GBA1: variants seen among roughly 807,000 people sequenced by gnomAD.
GBA1 encodes glucosylceramidase beta 1.
At chr1:155,235,337 G>A in the GBA1 span, 1 of 1,605,754 alleles carries the variant, frequency 6.2e-7, no homozygotes, top group African/African-American at 1.3e-5. Context: ...GATGGTCAGA[G>A]TCCCTCGGGG....
At chr1:155,239,957 T>A in the GBA1 span, 2 of 1,614,046 alleles carry the variant, frequency 1.2e-6, no homozygotes, top group Non-Finnish European at 1.7e-6. Flanking sequence ...TGTACTCTCA[T>A]AGCGGCTGAA....
the GBA1 span, chr1:155,235,356 A>G: frequency 6.2e-7 from 1 of 1,602,962 alleles, no homozygotes; most frequent in South Asian, 1.1e-5. Flanking sequence ...GGTACCTCCC[A>G]TGAAACCCTC....
At chr1:155,237,335 C>G in the GBA1 span, 1 of 1,613,922 alleles carries the variant, frequency 6.2e-7, no homozygotes, top group African/African-American at 1.3e-5. Context: ...GAGGTCCAGG[C>G]CTTACCACCT....
the GBA1 span, chr1:155,237,277 G>A: frequency 1.2e-6 from 2 of 1,612,888 alleles, no homozygotes. Flanking sequence ...TCTAAGTTTG[G>A]GAGCCAGTCA....
chr1:155,240,707 T>G, the GBA1 span: 4 of 1,613,460 alleles, frequency 2.5e-6, no homozygotes. Flanking sequence ...ACTCAAAGGC[T>G]TGGGACATTC....
chr1:155,241,285 G>C, the GBA1 span: 1 of 680,154 alleles, frequency 1.5e-6, no homozygotes, highest in Non-Finnish European at 2.7e-6. Context: ...TGATGACTAG[G>C]AGCGTCACAT....
the GBA1 span, chr1:155,239,522 A>C: frequency 2.2e-6 from 3 of 1,341,034 alleles, no homozygotes; most frequent in African/African-American, 2.9e-5. Flanking sequence ...CAGAATGGGC[A>C]GAGTGAGATT....
chr1:155,242,437 G>T, the GBA1 span, among the ~76,000 whole-genome samples: 1 of 152,038 alleles, frequency 6.6e-6, no homozygotes, highest in Admixed American at 6.5e-5. Context: ...TGGCCAGGCT[G>T]GTCTGAAACT....
At chr1:155,240,096 A>G in the GBA1 span, 2 of 1,608,218 alleles carry the variant, frequency 1.2e-6, no homozygotes, top group Non-Finnish European at 1.7e-6. Context: ...GAGGGAGTAC[A>G]AGCAGAGTGA....
At chr1:155,236,544 C>T in the GBA1 span, 1 of 1,245,256 alleles carries the variant, frequency 8.0e-7, no homozygotes, top group East Asian at 2.4e-5. Context: ...TGTAGGAATC[C>T]TGGAGTTGGG....
the GBA1 span, chr1:155,239,546 A>T: frequency 4.6e-5 from 73 of 1,570,058 alleles, no homozygotes; most frequent in East Asian, 1.5e-3. Flanking sequence ...CCTCAAAAAA[A>T]TTTTAAAAAA....
At chr1:155,238,644 C>T in the GBA1 span, 1 of 1,613,602 alleles carries the variant, frequency 6.2e-7, no homozygotes, top group Non-Finnish European at 8.5e-7. Context: ...GATGTTATAT[C>T]CGATTCCTAC....
the GBA1 span, chr1:155,244,264 G>A: frequency 6.6e-6 from 1 of 152,114 alleles, no homozygotes; most frequent in Non-Finnish European, 1.5e-5. Context: ...GCCGTGCGTG[G>A]TGGCGGGTGC....
the GBA1 span, chr1:155,237,843 A>T: frequency 1.4e-6 from 1 of 702,916 alleles, no homozygotes. Flanking sequence ...CAGAGGTTAC[A>T]GTGAGTGAAG....
At chr1:155,242,877 G>C in the GBA1 span, among the ~76,000 whole-genome samples, 2 of 152,210 alleles carry the variant, frequency 1.3e-5, no homozygotes, top group Non-Finnish European at 2.9e-5. Context: ...ATAGCAATGA[G>C]CCACCACACC....
the GBA1 span, chr1:155,241,270 T>A: frequency 1.4e-6 from 1 of 710,956 alleles, no homozygotes; most frequent in Non-Finnish European, 2.6e-6. Context: ...TGTGGATGGG[T>A]CATGTGATGA....
the GBA1 span, chr1:155,238,847 G>T: frequency 1.5e-6 from 1 of 647,220 alleles, no homozygotes. Flanking sequence ...GTTAGCAGAT[G>T]ATAGGCGGTG....
the GBA1 span, among the ~76,000 whole-genome samples, chr1:155,237,035 T>C: frequency 6.6e-6 from 1 of 151,968 alleles, no homozygotes; most frequent in East Asian, 1.9e-4. Flanking sequence ...CAGATAATTT[T>C]TTTTTTTTGT....
At chr1:155,236,436 G>C in the GBA1 span, 1 of 1,614,176 alleles carries the variant, frequency 6.2e-7, no homozygotes, top group Non-Finnish European at 8.5e-7. Flanking sequence ...GCAATGCCAT[G>C]AACATATTTA....
Sources: allele counts gnomAD v4.1 joint callset (sites outside exome capture counted in the v4.1 genomes callset), GRCh38; gene constraint gnomAD v4.1.1; transcripts MANE v1.5; gene names NCBI Gene and HGNC (gene_info 2026-07-23, HGNC 2026-07-21).